Variants in SUGCT observed in about 807,000 individuals in gnomAD.
SUGCT encodes the protein succinyl-CoA:glutarate-CoA transferase, also known as succinyl-CoA:glutarate CoA-transferase.
SUGCT carries 41 observed loss-of-function variants against 55.0 expected under a neutral mutation model. The ratio of observed to expected loss-of-function variants is 0.74; its 90% CI spans 0.58 to 0.97. SUGCT has a LOEUF of 0.97. Among genes scored for constraint, SUGCT ranks in the 50% least tolerant of loss-of-function variants. The probability of loss-of-function intolerance (pLI) is 0.00; values close to 1 mark genes in which losing one functional copy is unlikely to be tolerated. For synonymous variants in SUGCT, 187 were observed against 200.4 expected, an observed-to-expected ratio of 0.93 and a Z score of 0.56; for missense variants, 568 against 547.8, an observed-to-expected ratio of 1.04 and a Z score of -0.37.
chr7:40,942,530 A>G, the SUGCT span, among the ~76,000 whole-genome samples: 7 of 152,112 alleles, frequency 4.6e-5, no homozygotes, highest in African/African-American at 1.7e-4. Context: ...TTTGATGACT[A>G]TATAGCTTGG....
intron 8 of SUGCT, among the ~76,000 whole-genome samples, chr7:40,294,136 C>T (rs550366277): frequency 5.3e-5 from 8 of 151,936 alleles, no homozygotes; most frequent in African/African-American, 9.7e-5. Flanking sequence ...TTAGTAGAGA[C>T]GGGGTTTCAC....
At chr7:40,970,289 A>C in the SUGCT span, among the ~76,000 whole-genome samples, 1 of 152,054 alleles carries the variant, frequency 6.6e-6, no homozygotes. Context: ...CTCCTGCCTC[A>C]GCCTCCCGAG....
intron 12 of SUGCT, among the ~76,000 whole-genome samples, chr7:40,503,890 A>G (rs182945400): frequency 6.6e-6 from 1 of 152,328 alleles, no homozygotes; most frequent in Admixed American, 6.5e-5. Context: ...AGTTATTGCA[A>G]TGAATATGAC....
chr7:40,169,740 CT>C (rs879582959), intron 1 of SUGCT, among the ~76,000 whole-genome samples: 272 of 144,528 alleles, frequency 1.9e-3, no homozygotes, highest in South Asian at 4.2e-3. Flanking sequence ...AAGTGGTGGC[CT>C]TTTTTTTTTT....
chr7:40,573,712 A>G (rs767839771), intron 12 of SUGCT, among the ~76,000 whole-genome samples: 18 of 152,276 alleles, frequency 1.2e-4, no homozygotes, highest in Middle Eastern at 6.8e-3. Context: ...AGATGCCTTA[A>G]TGATCTGCTA....
At chr7:40,923,728 A>G in the SUGCT span, among the ~76,000 whole-genome samples, 1 of 152,178 alleles carries the variant, frequency 6.6e-6, no homozygotes, top group Non-Finnish European at 1.5e-5. Flanking sequence ...TTGGTGTTTC[A>G]GATCCCATTC....
At chr7:40,721,217 T>C (rs1786317127) in intron 12 of SUGCT, among the ~76,000 whole-genome samples, 1 of 152,176 alleles carries the variant, frequency 6.6e-6, no homozygotes, top group Admixed American at 6.5e-5. Context: ...TGATTTTTCT[T>C]TTTTTTAAAG....
chr7:41,030,899 C>T, the SUGCT span, among the ~76,000 whole-genome samples: 2 of 152,096 alleles, frequency 1.3e-5, no homozygotes, highest in Non-Finnish European at 1.5e-5. Context: ...AATGATTACT[C>T]ATAGTTGGAG....
intron 11 of SUGCT, among the ~76,000 whole-genome samples, chr7:40,490,081 T>C (rs11983487): frequency 2.0e-5 from 3 of 152,206 alleles, no homozygotes; most frequent in African/African-American, 7.2e-5. Context: ...CCACCCAGGC[T>C]TGAGTTCCTT....
At chr7:40,408,918 C>T (rs989057935) in intron 9 of SUGCT, among the ~76,000 whole-genome samples, 2 of 152,104 alleles carry the variant, frequency 1.3e-5, no homozygotes, top group Admixed American at 1.3e-4. Context: ...ATGGTTTTGG[C>T]CTTTATTTTC....
chr7:40,384,841 G>A (rs1319290865), intron 9 of SUGCT, among the ~76,000 whole-genome samples: 1 of 151,932 alleles, frequency 6.6e-6, no homozygotes, highest in Non-Finnish European at 1.5e-5. Context: ...CACTGTGCCC[G>A]GCTCCCTCAG....
At chr7:40,159,306 C>T (rs1370671961) in intron 1 of SUGCT, among the ~76,000 whole-genome samples, 4 of 151,680 alleles carry the variant, frequency 2.6e-5, no homozygotes, top group Non-Finnish European at 5.9e-5. Flanking sequence ...CTGGCATTGG[C>T]GAAAAGAGGT....
chr7:40,161,144 C>T (rs1011285903), intron 1 of SUGCT, among the ~76,000 whole-genome samples: 1 of 152,154 alleles, frequency 6.6e-6, no homozygotes, highest in Non-Finnish European at 1.5e-5. Context: ...AGAGAAGTCT[C>T]TGGGAGGATA....
intron 7 of SUGCT, among the ~76,000 whole-genome samples, chr7:40,253,863 C>T (rs1050570633): frequency 1.3e-5 from 2 of 152,204 alleles, no homozygotes; most frequent in African/African-American, 4.8e-5. Flanking sequence ...GTTCAGGGAA[C>T]CTGCAAATAA....
At chr7:40,642,484 G>A (rs1170450466) in intron 12 of SUGCT, among the ~76,000 whole-genome samples, 1 of 152,180 alleles carries the variant, frequency 6.6e-6, no homozygotes, top group African/African-American at 2.4e-5. Context: ...TTAGCTGGAG[G>A]AAGGGCATGA....
At chr7:41,015,547 G>A in the SUGCT span, among the ~76,000 whole-genome samples, 131 of 152,244 alleles carry the variant, frequency 8.6e-4, 1 homozygote, top group African/African-American at 3.0e-3. Flanking sequence ...ATTTTTAAGG[G>A]CTTCCCAGAT....
intron 12 of SUGCT, among the ~76,000 whole-genome samples, chr7:40,555,820 T>G (rs533243466): frequency 2.8e-4 from 42 of 152,282 alleles, no homozygotes; most frequent in Admixed American, 2.6e-3. Flanking sequence ...TTGAATGGTC[T>G]TGTAGGCTTT....
chr7:40,541,548 A>C (rs938855789), intron 12 of SUGCT, among the ~76,000 whole-genome samples: 3 of 152,230 alleles, frequency 2.0e-5, no homozygotes, highest in East Asian at 3.8e-4. Flanking sequence ...ATTCCTGTGG[A>C]AACTTGGAAG....
chr7:40,304,468 G>C (rs952358907), intron 8 of SUGCT, among the ~76,000 whole-genome samples: 42 of 150,752 alleles, frequency 2.8e-4, no homozygotes, highest in African/African-American at 9.3e-4. Flanking sequence ...AGGTTTTGGG[G>C]GAACAGGTGT....
Sources: gnomAD v4.1 joint callset for allele counts (sites outside exome capture counted in the v4.1 genomes callset) on GRCh38, gnomAD v4.1.1 for gene constraint, MANE v1.5 for transcripts, NCBI Gene and HGNC (gene_info 2026-07-23, HGNC 2026-07-21) for gene names.